KAZN: variants seen among roughly 807,000 people sequenced by gnomAD.
KAZN encodes kazrin, periplakin interacting protein.
In KAZN, 40 loss-of-function variants were observed where a neutral mutation model predicts 87.4. The observed-to-expected ratio is 0.46, with a 90% CI of 0.36 to 0.60. The LOEUF (loss-of-function observed/expected upper bound fraction) is 0.60. KAZN is among the 20% of genes least tolerant of loss of function. The pLI is 0.00. For synonymous variants in KAZN, 466 were observed against 458.3 expected (o/e 1.02, Z -0.22); for missense variants, 898 against 1,073.9 (o/e 0.84, Z 2.29).
At position 14,531,078 on chromosome 1, in the gene KAZN, A is replaced by G. The variant is rs80356327; in HGVS notation, c.250-67905A>G. Reference sequence around the variant, plus strand: ...ACAGAGTGAGACCCTGTCTCAATCAATGAGTCAATGAATCAATCAGTAACC... The same window carrying G: ...ACAGAGTGAGACCCTGTCTCAATCAGTGAGTCAATGAATCAATCAGTAACC... On this transcript the variant is annotated intron_variant, in intron 2 of 16. Coordinates refer to the KAZN transcript ENST00000636203. 7.2e-3 allele frequency among the ~76,000 whole-genome samples: 1,097 copies of G among 152,268 alleles called. 26 individuals are homozygous for G. The East Asian group carries it at 0.095, about 13-fold the overall frequency.
At chr1:14,311,128 T>C (rs572683234) in intron 2 of KAZN, among the ~76,000 whole-genome samples, 3 of 152,272 alleles carry the variant, frequency 2.0e-5, no homozygotes, top group South Asian at 2.1e-4. Context: ...TCATCCTTGA[T>C]TGAGTTGCAG....
chr1:15,068,614 G>A (rs969455937), intron 8 of KAZN, among the ~76,000 whole-genome samples: 4 of 152,046 alleles, frequency 2.6e-5, no homozygotes, highest in African/African-American at 9.7e-5. Context: ...GAGATAGAGA[G>A]GGAGCCACAG....
In KAZN at chr1:14,599,138, C is replaced by A; in HGVS notation, c.141C>A (p.Gly47=). 6.8e-7 allele frequency: 1 copy of A among 1,463,064 alleles called. No individual in the cohort carries two copies. The highest frequency in any genetic ancestry group is 9.0e-7 in the Non-Finnish European group (1 of 1,112,654). The allele number at this position is 1,463,064 out of a possible 1,614,324, so 90.6% of individuals were successfully genotyped here. A position where few individuals can be genotyped will look rare whatever the true frequency, so the allele number is the denominator to read the frequency against. The change falls in exon 1 of 15, where the codon GGC becomes GGA. Residue 47 remains glycine (G), a synonymous_variant. Coordinates refer to ENST00000376030, the MANE Select transcript of KAZN (RefSeq NM_201628.3). This position sits in a 1 kb window ranked among gnomAD's most constrained non-coding sequence, Gnocchi z 4.4. ...LAELSGGGGP[G]PGPGAAASAS... ...AACTGAGCGGCGGCGGCGGCCCCGG[C>A]CCGGGCCCGGGAGCCGCGGCCAGCG...
In KAZN at chr1:14,367,617, C is replaced by T. The variant is rs143338936; in HGVS notation, c.249+187025C>T. On this transcript the variant is annotated intron_variant, in intron 2 of 16. Transcript: ENST00000636203. ...TCACCCTTGTCGTTTCTCTGGCCAT[C>T]GGACTGCAGAGCCTGGGCTGAATCA... 7.2e-3 allele frequency among the ~76,000 whole-genome samples: 1,100 copies of T among 152,278 alleles called. 8 individuals are homozygous for T. Among genetic ancestry groups the T allele is most frequent in the South Asian group, 0.018 (85 of 4,826 alleles).
intron 2 of KAZN, among the ~76,000 whole-genome samples, chr1:14,382,851 G>T (rs2101054896): frequency 6.6e-6 from 1 of 152,056 alleles, no homozygotes; most frequent in South Asian, 2.1e-4. Context: ...GGATGGCTGG[G>T]TCAAATGGTG....
At chr1:14,598,119 A>C (rs1676624703), upstream of KAZN, among the ~76,000 whole-genome samples, 1 of 151,990 alleles carries the variant, frequency 6.6e-6, no homozygotes, top group South Asian at 2.1e-4. The surrounding 1 kb of genome is among the most constrained non-coding windows in gnomAD (Gnocchi z 4.2). Flanking sequence ...GAGAGGCGGG[A>C]GCACCAGCGG....
chr1:13,963,633 C>G (rs1309793222), intron 1 of KAZN, among the ~76,000 whole-genome samples: 1 of 152,164 alleles, frequency 6.6e-6, no homozygotes, highest in Non-Finnish European at 1.5e-5. Flanking sequence ...CTTCTTATCT[C>G]CCTTAAAATT....
At chr1:14,445,030 CTT>C (rs34113310) in intron 2 of KAZN, among the ~76,000 whole-genome samples, 235 of 146,046 alleles carry the variant, frequency 1.6e-3, no homozygotes, top group African/African-American at 4.7e-3. Flanking sequence ...AACCCGTGTG[CTT>C]TTTTTTTTTT....
At chr1:14,071,783 T>G (rs891419357) in intron 1 of KAZN, among the ~76,000 whole-genome samples, 1 of 152,212 alleles carries the variant, frequency 6.6e-6, no homozygotes, top group Non-Finnish European at 1.5e-5. Flanking sequence ...GCTTGTGGTC[T>G]CCCAGAAATA....
At chr1:14,351,560 AAAACAAAC>A (rs149948882) in intron 2 of KAZN, among the ~76,000 whole-genome samples, 3 of 152,178 alleles carry the variant, frequency 2.0e-5, no homozygotes, top group African/African-American at 7.2e-5. Flanking sequence ...TCCAGTCTCA[AAAACAAAC>A]AAACAAACAA....
intron 2 of KAZN, among the ~76,000 whole-genome samples, chr1:14,234,645 G>T (rs1389238361): frequency 1.3e-5 from 2 of 152,200 alleles, no homozygotes; most frequent in Non-Finnish European, 2.9e-5. Context: ...AAGGTGTGGG[G>T]GTGGTGGAGG....
At chr1:14,302,009 G>A (rs1397913707) in intron 2 of KAZN, among the ~76,000 whole-genome samples, 1 of 152,178 alleles carries the variant, frequency 6.6e-6, no homozygotes, top group African/African-American at 2.4e-5. Flanking sequence ...TCTAACTGAG[G>A]TTTTCCTCTT....
At chr1:14,018,636 T>G (rs1191128006) in intron 1 of KAZN, among the ~76,000 whole-genome samples, 1 of 152,100 alleles carries the variant, frequency 6.6e-6, no homozygotes, top group Admixed American at 6.6e-5. Flanking sequence ...GTCTTCCATG[T>G]GTACAGACAC....
chr1:13,906,955 TC>T (rs2100854999), intron 1 of KAZN, among the ~76,000 whole-genome samples: 1 of 152,306 alleles, frequency 6.6e-6, no homozygotes, highest in South Asian at 2.1e-4. Flanking sequence ...AAGTAAGGCT[TC>T]CCGCCTGTGC....
chr1:14,488,037 G>A (rs1224368190), intron 2 of KAZN, among the ~76,000 whole-genome samples: 2 of 152,182 alleles, frequency 1.3e-5, no homozygotes, highest in Non-Finnish European at 2.9e-5. Context: ...AGTATCCCCA[G>A]CACCTAACAC....
At chr1:14,122,253 C>G (rs1174839946) in intron 1 of KAZN, among the ~76,000 whole-genome samples, 2 of 152,104 alleles carry the variant, frequency 1.3e-5, no homozygotes, top group Non-Finnish European at 2.9e-5. Flanking sequence ...AGATGTGCAG[C>G]AGAAAGTGAG....
At chr1:15,057,375 T>A (rs947799342) in intron 5 of KAZN, among the ~76,000 whole-genome samples, 1 of 152,206 alleles carries the variant, frequency 6.6e-6, no homozygotes, top group African/African-American at 2.4e-5. Context: ...GTCGTGAAGA[T>A]GAAATGTGTA....
intron 2 of KAZN, among the ~76,000 whole-genome samples, chr1:14,354,675 C>T (rs973062554): frequency 6.7e-6 from 1 of 150,260 alleles, no homozygotes; most frequent in Admixed American, 6.6e-5. Flanking sequence ...CACACACACA[C>T]ACACACACAC....
At chr1:14,678,285 C>T (rs994825163) in intron 1 of KAZN, among the ~76,000 whole-genome samples, 2 of 152,138 alleles carry the variant, frequency 1.3e-5, no homozygotes, top group Admixed American at 6.5e-5. Context: ...GCTGAGTCTT[C>T]CGGCCTTCAT....
Sources: gnomAD v4.1 joint callset for allele counts (sites outside exome capture counted in the v4.1 genomes callset) on GRCh38, gnomAD v4.1.1 for gene constraint, Gnocchi (gnomAD v3.1) non-coding constraint, MANE v1.5 for transcripts, NCBI Gene and HGNC (gene_info 2026-07-23, HGNC 2026-07-21) for gene names.